The following PRAG1 variants were observed in gnomAD, a reference collection of about 807,000 sequenced individuals.
The protein encoded by PRAG1 is PEAK1 related, kinase-activating pseudokinase 1.
A neutral mutation model predicts 95.6 loss-of-function variants in PRAG1; 110 were observed. The observed-to-expected ratio is 1.15, with a 90% CI of 0.99 to 1.35. PRAG1 has a LOEUF of 1.35. Among genes scored for constraint, PRAG1 ranks in the 40% most tolerant of loss-of-function variants. The probability of loss-of-function intolerance (pLI) is 0.00; values close to 1 mark genes in which losing one functional copy is unlikely to be tolerated. For synonymous variants in PRAG1, 1,052 were observed against 819.4 expected, an observed-to-expected ratio of 1.28 and a Z score of -4.85; for missense variants, 2,554 against 1,864.7, an observed-to-expected ratio of 1.37 and a Z score of -6.81.
In PRAG1 at chr8:8,373,368, C is replaced by G. The variant is rs1324568018; in HGVS notation, c.2162+2879G>C. On this transcript the variant is annotated intron_variant, in intron 3 of 5. Coordinates refer to ENST00000615670, the MANE Select transcript of PRAG1 (RefSeq NM_001080826.3). ...TGCTTGAGAAATGAAAATGCTTCCC[C>G]AAATGAAAATATATTCTAGTTTATT... 2.0e-5 allele frequency among the ~76,000 whole-genome samples: 3 copies of G among 152,136 alleles called. No individual in the cohort carries two copies. In the East Asian group the frequency reaches 5.8e-4, roughly 29 times the overall value.
chr8:8,380,345 T>C (rs1398463943), intron 2 of PRAG1, among the ~76,000 whole-genome samples: 2 of 152,152 alleles, frequency 1.3e-5, no homozygotes, highest in African/African-American at 2.4e-5. Context: ...ACGCCTATAA[T>C]CTCAGCACTT....
At chr8:8,345,046 GGT>G (rs57329300) in intron 3 of PRAG1, among the ~76,000 whole-genome samples, 11,881 of 133,876 alleles carry the variant, frequency 0.089, 413 homozygotes, top group Admixed American at 0.13. Flanking sequence ...TTATCCGCAG[GGT>G]GTGTGTGTGT....
In PRAG1 at chr8:8,363,510, G is replaced by C. The variant is rs184599438; in HGVS notation, c.2162+12737C>G. On this transcript the variant is annotated intron_variant, in intron 3 of 5. Transcript: ENST00000615670. ...TGATTCCATTTATATGAGGTACCTA[G>C]AGTAGTCAAATTCAGAGACAGAAAG... Among the ~76,000 whole-genome samples, 40 of 152,282 alleles carry C rather than the reference G, an allele frequency of 2.6e-4. No individual in the cohort carries two copies. In the East Asian group the frequency reaches 3.9e-3, roughly 15 times the overall value.
rs1800482765 is a variant in PRAG1 at position 8,377,902 on chromosome 8, G to A, written c.507C>T (p.Pro169=). 1.2e-6 allele frequency: 2 copies of A among 1,614,010 alleles called. No individual in the cohort carries two copies. Among genetic ancestry groups the A allele is most frequent in the Non-Finnish European group, 1.7e-6 (2 of 1,180,034 alleles). Reference sequence around the variant, plus strand: ...GGAAGGCAATGTTCCTCTCGCCGCGGGGCTCAAGGTTGTGCAGGCCGACCA... The same window carrying A: ...GGAAGGCAATGTTCCTCTCGCCGCGAGGCTCAAGGTTGTGCAGGCCGACCA... The part of the protein sequence containing the change: ...YTMVGLHNLE[P]RGERNIAFHP... The change falls in exon 3 of 6, where the codon CCC becomes CCT. Residue 169 remains proline, a synonymous_variant. Coordinates refer to ENST00000615670, the MANE Select transcript of PRAG1 (RefSeq NM_001080826.3).
chr8:8,338,179 A>C (rs1799049981), intron 4 of PRAG1, among the ~76,000 whole-genome samples: 1 of 152,214 alleles, frequency 6.6e-6, no homozygotes, highest in South Asian at 2.1e-4. Context: ...TGGGCTGCCC[A>C]ATATCCTACC....
intron 4 of PRAG1, among the ~76,000 whole-genome samples, chr8:8,338,921 T>C (rs1224042757): frequency 1.3e-5 from 2 of 152,176 alleles, no homozygotes. Context: ...CAAGAGTTCC[T>C]TTTTAGGGAC....
chr8:8,377,373 C>T lies in PRAG1; in HGVS notation c.1036G>A (p.Gly346Ser), dbSNP rs928953570. The change falls in exon 3 of 6, where the codon GGC (glycine) becomes AGC (serine). Residue 346 changes from glycine to serine, a missense_variant. Coordinates refer to ENST00000615670, the MANE Select transcript of PRAG1 (RefSeq NM_001080826.3). ...CTGGCGCCGCTGCCGCTGCCGCTGC[C>T]GCTGCCACAAGAGAGGCCGTCGGAA... is the stretch of plus-strand genomic sequence containing the variant. Reference protein sequence around the residue: ...ISSDGLSCGSGSGSGSGASSP... With the variant: ...ISSDGLSCGSSSGSGSGASSP... 1.9e-5 allele frequency: 30 copies of T among 1,595,518 alleles called. No individual in the cohort carries two copies. The highest frequency in any genetic ancestry group is 1.3e-4 in the East Asian group (6 of 44,764).
chr8:8,321,465 C>T (rs1407465428), intron 5 of PRAG1, among the ~76,000 whole-genome samples: 1 of 152,112 alleles, frequency 6.6e-6, no homozygotes, highest in Admixed American at 6.5e-5. Context: ...GGGGGAAGTC[C>T]TCAAAGAAAG....
At chr8:8,324,571 C>T (rs756150542) in intron 5 of PRAG1, among the ~76,000 whole-genome samples, 15 of 152,144 alleles carry the variant, frequency 9.9e-5, no homozygotes, top group Non-Finnish European at 2.1e-4. Flanking sequence ...CATCTCCCTA[C>T]TCCCTGCCCC....
chr8:8,383,652 G>C (rs1050310422), intron 1 of PRAG1, among the ~76,000 whole-genome samples: 5 of 152,114 alleles, frequency 3.3e-5, no homozygotes, highest in African/African-American at 9.7e-5. Context: ...TGAAATAAAA[G>C]AAAAGTATCT....
intron 5 of PRAG1, among the ~76,000 whole-genome samples, chr8:8,326,104 T>G (rs1385006655): frequency 1.4e-5 from 2 of 148,072 alleles, no homozygotes; most frequent in South Asian, 2.1e-4. Context: ...CAGTATATAT[T>G]ATTTATAATA....
At chr8:8,319,664 G>A (rs974876232) in intron 5 of PRAG1, among the ~76,000 whole-genome samples, 1 of 152,134 alleles carries the variant, frequency 6.6e-6, no homozygotes, top group African/African-American at 2.4e-5. Flanking sequence ...CTTGTTTCTG[G>A]AATTTGTATT....
At chr8:8,375,831 A>C (rs913372572) in intron 3 of PRAG1, among the ~76,000 whole-genome samples, 1 of 152,060 alleles carries the variant, frequency 6.6e-6, no homozygotes, top group East Asian at 1.9e-4. Context: ...AGCCCTCCCT[A>C]AATCTTGTAG....
chr8:8,328,762 G>C lies in PRAG1; in HGVS notation c.2321-301C>G, dbSNP rs1465230829. On this transcript the variant is annotated intron_variant, in intron 4 of 5. Transcript: ENST00000615670. ...CCTCCAACAATCCAAACAAATGCGTGCCTGCACGCGTGCGCACACACACAC... is the reference window on the plus strand; with the variant it reads ...CCTCCAACAATCCAAACAAATGCGTCCCTGCACGCGTGCGCACACACACAC... Among the ~76,000 whole-genome samples, 23 of 151,576 alleles carry C rather than the reference G, an allele frequency of 1.5e-4. 1 individual carries two copies. Among genetic ancestry groups the C allele is most frequent in the Admixed American group, 1.5e-3 (23 of 15,274 alleles).
intron 5 of PRAG1, among the ~76,000 whole-genome samples, chr8:8,326,023 T>G (rs1235951690): frequency 6.6e-6 from 1 of 150,752 alleles, no homozygotes; most frequent in Non-Finnish European, 1.5e-5. Context: ...AGGAATTCAG[T>G]GTCTTCCACC....
rs1290921008 is a variant in PRAG1 at position 8,318,728 on chromosome 8, T to C, written c.3647A>G (p.Asn1216Ser). 1.9e-6 allele frequency: 3 copies of C among 1,608,524 alleles called. No homozygotes were observed. Among genetic ancestry groups the C allele is most frequent in the Non-Finnish European group, 2.5e-6 (3 of 1,177,908 alleles). ...EKQLPRLIIS[N>S]FLKAKQKPGG... Reference sequence around the variant, plus strand: ...CGGCTTCTGCTTGGCCTTCAAAAAGTTGCTGATGATGAGCCGGGGCAGCTG... The same window carrying C: ...CGGCTTCTGCTTGGCCTTCAAAAAGCTGCTGATGATGAGCCGGGGCAGCTG... The change falls in exon 6 of 6, where the codon AAC (asparagine) becomes AGC (serine). Residue 1216 changes from asparagine (N) to serine (S), a missense_variant. Asn to Ser is a conservative substitution (Grantham distance 46, BLOSUM62 1). Coordinates refer to ENST00000615670, the MANE Select transcript of PRAG1 (RefSeq NM_001080826.3). The surrounding 1 kb of genome is among the most constrained non-coding windows in gnomAD (Gnocchi z 4.2).
chr8:8,362,555 G>T (rs984061494), intron 3 of PRAG1, among the ~76,000 whole-genome samples: 1 of 152,216 alleles, frequency 6.6e-6, no homozygotes, highest in East Asian at 1.9e-4. Flanking sequence ...CCTCCCCTAG[G>T]AGAAAGATCA....
chr8:8,366,766 C>G (rs1235092042), intron 3 of PRAG1, among the ~76,000 whole-genome samples: 2 of 152,014 alleles, frequency 1.3e-5, no homozygotes, highest in Non-Finnish European at 2.9e-5. Flanking sequence ...GCAGCCTTGA[C>G]CTCCTGGCTC....
chr8:8,359,262 G>C (rs866525840), intron 3 of PRAG1, among the ~76,000 whole-genome samples: 2 of 152,198 alleles, frequency 1.3e-5, no homozygotes, highest in Middle Eastern at 6.8e-3. Flanking sequence ...TCTAAAAGGA[G>C]AATTTTTTCT....
Sources: gnomAD v4.1 joint callset for allele counts (sites outside exome capture counted in the v4.1 genomes callset) on GRCh38, gnomAD v4.1.1 for gene constraint, Gnocchi (gnomAD v3.1) non-coding constraint, MANE v1.5 for transcripts, NCBI Gene and HGNC (gene_info 2026-07-23, HGNC 2026-07-21) for gene names.